Variants in FANCC observed in about 807,000 individuals in gnomAD.
The protein encoded by FANCC is Fanconi anemia group C protein.
FANCC carries 55 observed loss-of-function variants against 71.3 expected under a neutral mutation model. That is an observed-to-expected ratio of 0.77 (90% CI 0.62 to 0.97). The LOEUF (loss-of-function observed/expected upper bound fraction) is 0.97, where lower values mean the gene tolerates loss of function less well. FANCC is among the 50% of genes least tolerant of loss of function. The pLI is 0.00. For synonymous variants in FANCC, 275 were observed against 244.9 expected (o/e 1.12, Z -1.15); for missense variants, 678 against 670.9 (o/e 1.01, Z -0.12).
chr9:95,308,459 G>A (rs952681265), intron 1 of FANCC, among the ~76,000 whole-genome samples: 7 of 143,686 alleles, frequency 4.9e-5, no homozygotes, highest in African/African-American at 1.8e-4. Flanking sequence ...AGTTTTTTTT[G>A]TATTTTTATT....
intron 4 of FANCC, among the ~76,000 whole-genome samples, chr9:95,195,283 T>G (rs972481764): frequency 6.6e-6 from 1 of 151,468 alleles, no homozygotes; most frequent in Non-Finnish European, 1.5e-5. Flanking sequence ...AGTTTTACAT[T>G]TTACATTTAA....
At chr9:95,146,780 C>G (rs1391404562) in intron 7 of FANCC, among the ~76,000 whole-genome samples, 1 of 151,838 alleles carries the variant, frequency 6.6e-6, no homozygotes, top group Non-Finnish European at 1.5e-5. Context: ...AGAGGCCATG[C>G]AACAATTTTC....
At chr9:95,118,359 G>C (rs745596449) in intron 10 of FANCC, among the ~76,000 whole-genome samples, 1 of 152,230 alleles carries the variant, frequency 6.6e-6, no homozygotes, top group Non-Finnish European at 1.5e-5. Flanking sequence ...GTAAAACTGT[G>C]CTCGCATTTC....
intron 7 of FANCC, 188 bp from the exon 8 acceptor site, chr9:95,135,690 G>A (rs951797908): frequency 1.7e-6 from 1 of 602,108 alleles, no homozygotes; most frequent in Non-Finnish European, 2.9e-6. Context: ...ATGTGAATAT[G>A]CTTCCACTTC....
intron 1 of FANCC, among the ~76,000 whole-genome samples, chr9:95,260,374 G>A (rs898945613): frequency 3.3e-5 from 5 of 152,172 alleles, no homozygotes; most frequent in South Asian, 2.1e-4. Context: ...AAAAGGCTAA[G>A]TTCATGTCCT....
rs1328335771 is a variant in FANCC, at chr9:95,313,902, TCAA to T, written c.-79+3621_-79+3623del. On this transcript the variant is annotated intron_variant, in intron 1 of 14. Transcript: ENST00000289081. Reference sequence around the variant, plus strand: ...TTCTAACATTTGTTCATAAGAATTCTCAACAATCTAGTAACAGAAGGAAAATCT... The same window carrying T: ...TTCTAACATTTGTTCATAAGAATTCTCAATCTAGTAACAGAAGGAAAATCT... Among the ~76,000 whole-genome samples the T allele has an allele frequency of 2.0e-5, 3 of 152,174 alleles. No homozygotes were observed. In the East Asian group the frequency reaches 5.8e-4, roughly 29 times the overall value.
chr9:95,301,322 T>C (rs1210187198), intron 1 of FANCC, among the ~76,000 whole-genome samples: 1 of 152,194 alleles, frequency 6.6e-6, no homozygotes, highest in African/African-American at 2.4e-5. Context: ...AAAATATTTA[T>C]AATATCATAA....
At chr9:95,311,956 C>T (rs1835433093) in intron 1 of FANCC, among the ~76,000 whole-genome samples, 1 of 152,148 alleles carries the variant, frequency 6.6e-6, no homozygotes. Flanking sequence ...ATGAGAAGTA[C>T]AGTCACATCT....
At chr9:95,213,860 G>A (rs990627757) in intron 4 of FANCC, among the ~76,000 whole-genome samples, 16 of 152,100 alleles carry the variant, frequency 1.1e-4, no homozygotes, top group Middle Eastern at 6.3e-3. Context: ...CAGTAAATAG[G>A]CAACCCACAG....
intron 1 of FANCC, among the ~76,000 whole-genome samples, chr9:95,307,794 A>C (rs1835153278): frequency 6.6e-6 from 1 of 152,214 alleles, no homozygotes; most frequent in Admixed American, 6.5e-5. Flanking sequence ...TGCTGCTGGA[A>C]GGGAACTCAG....
At chr9:95,189,949 C>G (rs12338907) in intron 4 of FANCC, among the ~76,000 whole-genome samples, 34,196 of 152,102 alleles carry the variant, frequency 0.22, 4,993 homozygotes, top group Non-Finnish European at 0.33. Flanking sequence ...AGGGGCTCAG[C>G]AGTGCCTCAC....
intron 6 of FANCC, among the ~76,000 whole-genome samples, chr9:95,163,229 A>C (rs1830858339): frequency 2.0e-5 from 3 of 152,224 alleles, no homozygotes; most frequent in Non-Finnish European, 4.4e-5. Flanking sequence ...CCCTTGTCAA[A>C]GACCATTTGA....
intron 4 of FANCC, among the ~76,000 whole-genome samples, chr9:95,236,728 C>G (rs1830336964): frequency 6.6e-6 from 1 of 152,172 alleles, no homozygotes; most frequent in Non-Finnish European, 1.5e-5. Flanking sequence ...TCCAGTAACA[C>G]AGAATGACCC....
intron 4 of FANCC, among the ~76,000 whole-genome samples, chr9:95,215,772 C>T (rs1250862362): frequency 9.2e-5 from 14 of 152,204 alleles, no homozygotes; most frequent in Admixed American, 8.5e-4. Flanking sequence ...AGCTGACAGT[C>T]GGTATCAACT....
chr9:95,261,798 G>A (rs1832067857), intron 1 of FANCC, among the ~76,000 whole-genome samples: 1 of 152,184 alleles, frequency 6.6e-6, no homozygotes. Context: ...AGATGCAGAC[G>A]CTGGAACAGA....
At chr9:95,107,018 C>T (rs368870259) in intron 14 of FANCC, 48 bp downstream of exon 14, 1 of 1,596,690 alleles carries the variant, frequency 6.3e-7, no homozygotes. Context: ...CCACCTCTCG[C>T]CTGGAGCAGA....
chr9:95,304,808 G>T (rs905168180), intron 1 of FANCC, among the ~76,000 whole-genome samples: 3 of 147,660 alleles, frequency 2.0e-5, no homozygotes, highest in Non-Finnish European at 3.0e-5. Context: ...AGAGGTGAAG[G>T]CAATAGATGC....
chr9:95,225,949 A>G (rs1829585470), intron 4 of FANCC, among the ~76,000 whole-genome samples: 1 of 152,182 alleles, frequency 6.6e-6, no homozygotes. Flanking sequence ...AAAATTCACA[A>G]TTAGACCTTA....
intron 13 of FANCC, chr9:95,111,017 C>A: frequency 7.0e-7 from 1 of 1,437,694 alleles, no homozygotes; most frequent in Non-Finnish European, 9.1e-7. Context: ...GTTGACTGAT[C>A]CAAGAAAGGA....
Sources: allele counts gnomAD v4.1 joint callset (sites outside exome capture counted in the v4.1 genomes callset), GRCh38; gene constraint gnomAD v4.1.1; transcripts MANE v1.5; gene names NCBI Gene and HGNC (gene_info 2026-07-23, HGNC 2026-07-21).